F5: variants seen among roughly 807,000 people sequenced by gnomAD.
The protein encoded by F5 is activated protein c cofactor.
F5 carries 138 observed loss-of-function variants against 216.4 expected under a neutral mutation model. The observed-to-expected ratio is 0.64, with a 90% CI of 0.56 to 0.73. F5 has a LOEUF of 0.73. Among genes scored for constraint, F5 ranks in the 30% least tolerant of loss-of-function variants. The pLI, the probability that F5 is intolerant of heterozygous loss-of-function variation, is 0.00. For synonymous variants in F5, 916 were observed against 930.7 expected, an observed-to-expected ratio of 0.98 and a Z score of 0.29; for missense variants, 2,403 against 2,674.0, an observed-to-expected ratio of 0.90 and a Z score of 2.24.
intron 23 of F5, 48 bp from the exon 24 acceptor site, chr1:169,515,674 T>G: frequency 1.9e-6 from 3 of 1,598,466 alleles, no homozygotes; most frequent in Non-Finnish European, 2.6e-6. Context: ...TTAAAACCTT[T>G]GCTTTTTTTT....
At position 169,542,683 on chromosome 1, in the gene F5, C is replaced by T. The variant is rs747578977; in HGVS notation, c.2407G>A (p.Ala803Thr). 20 of 1,613,930 alleles carry T rather than the reference C, an allele frequency of 1.2e-5. No individual in the cohort carries two copies. The highest frequency in any genetic ancestry group is 1.7e-5 in the Non-Finnish European group (20 of 1,179,984). The change falls in exon 13 of 25, where the codon GCC becomes ACC. Residue 803 changes from alanine to threonine, a missense_variant. Coordinates refer to ENST00000367797, the MANE Select transcript of F5 (RefSeq NM_000130.5). ...EPQKAPSHQQ[A>T]TTAGSPLRHL... ...CTCAGTGGGGAACCAGCTGTGGTGG[C>T]TTGTTGGTGAGAAGGGGCTTTCTGA... is the stretch of plus-strand genomic sequence containing the variant.
In F5 at chr1:169,543,074, G is replaced by T; in HGVS notation, c.2016C>A (p.Ser672Arg). The T allele has an allele frequency of 1.9e-6, 3 of 1,613,884 alleles. No homozygotes were observed. The highest frequency in any genetic ancestry group is 1.7e-6 in the Non-Finnish European group (2 of 1,179,924). Reference sequence around the variant, plus strand: ...CCCTGAATTTCAGCCTCAGCTTTTTGCTTCTTGGACTAGAATTCATGGAAG... The same window carrying T: ...CCCTGAATTTCAGCCTCAGCTTTTTTCTTCTTGGACTAGAATTCATGGAAG... The part of the protein sequence containing the change: ...MLTSMNSSPR[S>R]KKLRLKFRDV... The change falls in exon 13 of 25, where the codon AGC becomes AGA. Residue 672 changes from serine (S) to arginine (R), a missense_variant. Ser to Arg is a moderately radical substitution (Grantham distance 110). Around this residue, in one of 4 missense-constraint regions of F5, gnomAD observed 1,425 missense variants for 1,554.8 expected, o/e 0.92. Coordinates refer to ENST00000367797, the MANE Select transcript of F5 (RefSeq NM_000130.5).
Position 169,556,869 on chromosome 1 carries a change from T to A in F5, c.731-2A>T. 1 of 1,613,116 alleles carries A rather than the reference T, an allele frequency of 6.2e-7. No homozygotes were observed. The highest frequency in any genetic ancestry group is 1.1e-5 in the South Asian group (1 of 91,018). On this transcript the variant is annotated splice_acceptor_variant, in intron 5 of 24. Transcript: ENST00000367797. LOFTEE classifies it high-confidence loss of function. ...GGTCATGGGCACAAACTGTTATATC[T>A]GAGAAAGAGGGAGAGACACAGGCCA...
At chr1:169,543,506 AT>A (rs1328633642) in intron 12 of F5, among the ~76,000 whole-genome samples, 1 of 152,210 alleles carries the variant, frequency 6.6e-6, no homozygotes, top group Non-Finnish European at 1.5e-5. Context: ...TGAATCAAGA[AT>A]AAAATGGACT....
rs139147538 is a variant in F5 at position 169,556,707 on chromosome 1, A to G, written c.891T>C (p.Asn297=). 1 of 1,613,932 alleles carries G rather than the reference A, an allele frequency of 6.2e-7. No individual in the cohort carries two copies. The highest frequency in any genetic ancestry group is 8.5e-7 in the Non-Finnish European group (1 of 1,180,006). ...ACTTTCCCTCTGGGCCCACAGTCAT[A>G]TTTGCGGTAGTGGATGTAGCACTGA... is the stretch of plus-strand genomic sequence containing the variant. The part of the protein sequence containing the change: ...TLVSATSTTA[N]MTVGPEGKWI... The change falls in exon 6 of 25, where the codon AAT becomes AAC. Residue 297 remains asparagine (N), a synonymous_variant. Coordinates refer to ENST00000367797, the MANE Select transcript of F5 (RefSeq NM_000130.5).
intron 24 of F5, 39 bp from the exon 25 acceptor site, chr1:169,514,498 A>T (rs1418485636): frequency 6.3e-7 from 1 of 1,592,240 alleles, no homozygotes; most frequent in South Asian, 1.1e-5. Context: ...ATGACAACAT[A>T]AATGGCTAAG....
intron 4 of F5, 38 bp downstream of exon 4, chr1:169,560,516 C>T (rs1411413531): frequency 1.2e-6 from 2 of 1,600,566 alleles, no homozygotes; most frequent in South Asian, 2.2e-5. Context: ...ACCATTCCAA[C>T]ATTTAGTTGT....
chr1:169,534,564 A>T (rs1379962428), intron 14 of F5, among the ~76,000 whole-genome samples: 2 of 151,926 alleles, frequency 1.3e-5, no homozygotes, highest in African/African-American at 4.8e-5. Flanking sequence ...GCTACTCGGG[A>T]GGCTGAGGCA....
intron 5 of F5, among the ~76,000 whole-genome samples, chr1:169,557,210 A>G (rs1660353277): frequency 1.3e-5 from 2 of 152,230 alleles, no homozygotes. Flanking sequence ...GGGTTTCCCA[A>G]GATTCAGGAC....
intron 1 of F5, among the ~76,000 whole-genome samples, chr1:169,585,019 G>A (rs1490540463): frequency 6.6e-6 from 1 of 152,186 alleles, no homozygotes; most frequent in Non-Finnish European, 1.5e-5. Context: ...AACCCAGCAT[G>A]CTACAAGAAA....
At chr1:169,562,082 T>C (rs1018705588) in intron 3 of F5, among the ~76,000 whole-genome samples, 3 of 152,138 alleles carry the variant, frequency 2.0e-5, no homozygotes, top group African/African-American at 7.2e-5. Flanking sequence ...CTTTTAAGTA[T>C]AATATTTGCT....
In F5 at chr1:169,513,396, A is replaced by T. The variant is rs759460633; in HGVS notation, c.*917T>A. Among the ~76,000 whole-genome samples the T allele has an allele frequency of 3.3e-5, 5 of 152,016 alleles. No individual in the cohort carries two copies. The highest frequency in any genetic ancestry group is 7.4e-5 in the Non-Finnish European group (5 of 67,964). ...CAGGATCACTGAATGCCAAGTCCCCAGGGAAAGGAATGATGAAAGGGGAAG... is the reference window on the plus strand; with the variant it reads ...CAGGATCACTGAATGCCAAGTCCCCTGGGAAAGGAATGATGAAAGGGGAAG... On this transcript the variant is annotated 3_prime_UTR_variant, in exon 25 of 25. Coordinates refer to ENST00000367797, the MANE Select transcript of F5 (RefSeq NM_000130.5).
rs534061032 is a variant in F5, at chr1:169,583,586, T to C, written c.159-1064A>G. The stretch of plus-strand genomic sequence containing the variant: ...TGAAATCTCCTTCACAGAATTGTTG[T>C]ATAATTTTAAATAAGTTGATATGTG... On this transcript the variant is annotated intron_variant, in intron 1 of 24. Transcript: ENST00000367797. Among the ~76,000 whole-genome samples, 7 of 152,376 alleles carry C rather than the reference T, an allele frequency of 4.6e-5. No individual in the cohort carries two copies. In the South Asian group the frequency reaches 1.4e-3, roughly 32 times the overall value.
rs541769450 is a variant in F5, at chr1:169,544,350, A to G, written c.1921T>C (p.Leu641=). 1 of 1,614,150 alleles carries G rather than the reference A, an allele frequency of 6.2e-7. No individual in the cohort carries two copies. Among genetic ancestry groups the G allele is most frequent in the Admixed American group, 1.7e-5 (1 of 60,010 alleles). ...TCTCCACGCATGGGGAAGAGGGTCA[A>G]GGTGTCCTCATGCCTCTTTCCATAG... ...FIYGKRHEDT[L]TLFPMRGESV... Residue 641 remains leucine, a synonymous_variant, in exon 12 of 25, where the codon TTG becomes CTG. Transcript: ENST00000367797.
intron 22 of F5, 60 bp from the exon 23 acceptor site, chr1:169,518,623 C>T: frequency 1.3e-6 from 2 of 1,555,282 alleles, no homozygotes; most frequent in Non-Finnish European, 1.8e-6. Flanking sequence ...TGGCTTCATG[C>T]ACTGCAGAGG....
chr1:169,537,878 G>C (rs1659742121), intron 13 of F5, among the ~76,000 whole-genome samples: 1 of 152,104 alleles, frequency 6.6e-6, no homozygotes, highest in Admixed American at 6.6e-5. Flanking sequence ...CTCTTGGTGA[G>C]AGTGTAAATT....
chr1:169,560,752 C>A lies in F5; in HGVS notation c.388G>T (p.Asp130Tyr). 6.2e-7 allele frequency: 1 copy of A among 1,612,084 alleles called. No individual in the cohort carries two copies. The highest frequency in any genetic ancestry group is 1.1e-5 in the South Asian group (1 of 90,952). ...ATCTTCTCCGCAGGGAATGTGTGGT[C>A]AAGGTAAGAAGCACCTGGAGGAGTA... ...SKLSEGASYLDHTFPAEKMDD... is the reference protein window; with the variant it reads ...SKLSEGASYLYHTFPAEKMDD... Residue 130 changes from aspartate to tyrosine, a missense_variant, in exon 4 of 25, where the codon GAC becomes TAC. Asp to Tyr is a radical substitution (Grantham distance 160). Transcript: ENST00000367797.
chr1:169,542,570 T>C lies in F5; in HGVS notation c.2520A>G (p.Leu840=). ...GACGTATCCCTGTGACATCTGGCTG[T>C]AGAGGATCCTCTATAGGGTCTTCAG... ...PYSEDPIEDP[L]QPDVTGIRLL... Residue 840 remains leucine (L), a synonymous_variant, in exon 13 of 25, where the codon CTA becomes CTG. Coordinates refer to ENST00000367797, the MANE Select transcript of F5 (RefSeq NM_000130.5). 1.9e-6 allele frequency: 3 copies of C among 1,614,104 alleles called. No homozygotes were observed. Among genetic ancestry groups the C allele is most frequent in the South Asian group, 1.1e-5 (1 of 91,084 alleles).
intron 11 of F5, among the ~76,000 whole-genome samples, chr1:169,545,975 G>A (rs992710274): frequency 1.3e-5 from 2 of 152,112 alleles, no homozygotes; most frequent in Non-Finnish European, 2.9e-5. Flanking sequence ...ATGTCTTCAT[G>A]CATGCCTTTC....
Sources: gnomAD v4.1 joint callset for allele counts (sites outside exome capture counted in the v4.1 genomes callset) on GRCh38, gnomAD v4.1.1 for gene constraint, gnomAD v4.1.1 regional missense constraint, MANE v1.5 for transcripts, NCBI Gene and HGNC (gene_info 2026-07-23, HGNC 2026-07-21) for gene names.